Variants in CA12 observed in about 807,000 individuals in gnomAD.
CA12 encodes the protein carbonic anhydrase 12.
A neutral mutation model predicts 46.8 loss-of-function variants in CA12; 36 were observed. The observed-to-expected ratio is 0.77, with a 90% CI of 0.59 to 1.02. CA12 has a LOEUF of 1.02. Ranked by LOEUF, CA12 falls within the 50% of genes least tolerant of loss-of-function variation. The pLI, the probability that CA12 is intolerant of heterozygous loss-of-function variation, is 0.00. For synonymous variants in CA12, 202 were observed against 187.0 expected, an observed-to-expected ratio of 1.08 and a Z score of -0.65; for missense variants, 436 against 451.4, an observed-to-expected ratio of 0.97 and a Z score of 0.31.
rs1248161487 is a variant in CA12 at position 63,381,767 on chromosome 15, C to T, written c.-47G>A. 4.4e-6 allele frequency: 6 copies of T among 1,357,946 alleles called. No homozygotes were observed. The highest frequency in any genetic ancestry group is 2.7e-5 in the Admixed American group (1 of 36,742). The allele number at this position is 1,357,946 out of a possible 1,614,324, so 84.1% of individuals were successfully genotyped here. A position where few individuals can be genotyped will look rare whatever the true frequency, so the allele number is the denominator to read the frequency against. On this transcript the variant is annotated 5_prime_UTR_variant, in exon 1 of 11. Transcript: ENST00000178638. ...GGGCGCGGGCTGTGCCGGGGGCTCC[C>T]GGTGGCCGCTCGCTCTCCAGCTGCA... is the stretch of plus-strand genomic sequence containing the variant.
At position 63,330,137 on chromosome 15, in the gene CA12, G is replaced by A. The variant is rs1360688940; in HGVS notation, c.875-2007C>T. Among the ~76,000 whole-genome samples the A allele has an allele frequency of 6.6e-6, 1 of 152,214 alleles. No homozygotes were observed. Among genetic ancestry groups the A allele is most frequent in the Middle Eastern group, 3.2e-3 (1 of 316 alleles). ...AGTGGCTCCACTGGCCAGACTCCCT[G>A]CCCCAGGCCTCTTCGTGTAACCTGA... On this transcript the variant is annotated intron_variant, in intron 8 of 10. Coordinates refer to ENST00000178638, the MANE Select transcript of CA12 (RefSeq NM_001218.5). The surrounding 1 kb of genome is among the most constrained non-coding windows in gnomAD (Gnocchi z 4.0).
At chr15:63,379,451 G>A (rs939913923) in intron 1 of CA12, among the ~76,000 whole-genome samples, 1 of 152,214 alleles carries the variant, frequency 6.6e-6, no homozygotes, top group Non-Finnish European at 1.5e-5. Context: ...ACTTCTAGCT[G>A]TAAGAACAGA....
Position 63,345,656 on chromosome 15 carries a change from C to T in CA12, c.287-37G>A. On this transcript the variant is annotated intron_variant, in intron 3 of 10. Transcript: ENST00000178638. This position sits in a 1 kb window ranked among gnomAD's most constrained non-coding sequence, Gnocchi z 4.3. ...GGAGGAGCAGCCTTCAGAGCCCCGG[C>T]CAGCTGTGCACTGCCAGAGAGCAGT... is the stretch of plus-strand genomic sequence containing the variant. 3 of 1,599,772 alleles carry T rather than the reference C, an allele frequency of 1.9e-6. No individual in the cohort carries two copies. The highest frequency in any genetic ancestry group is 2.5e-6 in the Non-Finnish European group (3 of 1,176,768).
chr15:63,380,985 G>A (rs2039636928), intron 1 of CA12, among the ~76,000 whole-genome samples: 1 of 151,562 alleles, frequency 6.6e-6, no homozygotes, highest in Non-Finnish European at 1.5e-5. Context: ...TTGGGATTTA[G>A]TGTTCTAATT....
chr15:63,345,372 G>A lies in CA12; in HGVS notation c.429+105C>T. 1 of 1,458,866 alleles carries A rather than the reference G, an allele frequency of 6.9e-7. No individual in the cohort carries two copies. The highest frequency in any genetic ancestry group is 2.4e-5 in the East Asian group (1 of 41,518). 90.4% of individuals were successfully genotyped at this position (1,458,866 alleles called of 1,614,324 possible). A position where few individuals can be genotyped will look rare whatever the true frequency, so the allele number is the denominator to read the frequency against. On this transcript the variant is annotated intron_variant, in intron 4 of 10. Transcript: ENST00000178638. The surrounding 1 kb of genome is among the most constrained non-coding windows in gnomAD (Gnocchi z 4.3). The stretch of plus-strand genomic sequence containing the variant: ...CAGAGGTGGGGCAGAGAGCCTGAAG[G>A]CAGCCTGTCCCATGCTCTGGTGTTA...
intron 2 of CA12, among the ~76,000 whole-genome samples, chr15:63,359,427 A>T (rs947994843): frequency 1.3e-5 from 2 of 151,888 alleles, no homozygotes; most frequent in African/African-American, 4.8e-5. Flanking sequence ...ATCACCTAGA[A>T]TCACCAGTTG....
intron 8 of CA12, among the ~76,000 whole-genome samples, chr15:63,332,335 A>G (rs1206578004): frequency 6.6e-6 from 1 of 152,250 alleles, no homozygotes. Flanking sequence ...TGCTACAAAG[A>G]AATCTGCCAA....
chr15:63,345,572 G>A lies in CA12; in HGVS notation c.334C>T (p.Arg112Cys), dbSNP rs931534148. The change falls in exon 4 of 11, where the codon CGC becomes TGC. Residue 112 changes from arginine to cysteine, a missense_variant. Arg to Cys is a radical substitution (Grantham distance 180). Coordinates refer to ENST00000178638, the MANE Select transcript of CA12 (RefSeq NM_001218.5). This position sits in a 1 kb window ranked among gnomAD's most constrained non-coding sequence, Gnocchi z 4.3. The stretch of plus-strand genomic sequence containing the variant: ...AGGTGCAGCTGCGTGGCACTGTAGC[G>A]AGACTGGAGGCCCTGGATGTGCATG... ...SDMHIQGLQS[R>C]YSATQLHLHW... 4.3e-6 allele frequency: 7 copies of A among 1,613,350 alleles called. No individual in the cohort carries two copies. Among genetic ancestry groups the A allele is most frequent in the South Asian group, 2.2e-5 (2 of 91,070 alleles).
chr15:63,371,545 G>A (rs2039507154), intron 2 of CA12, among the ~76,000 whole-genome samples: 1 of 152,250 alleles, frequency 6.6e-6, no homozygotes, highest in Admixed American at 6.5e-5. Flanking sequence ...GGAGGGGCTG[G>A]CCTCGCGGGT....
chr15:63,339,051 C>G lies in CA12; in HGVS notation c.748-106G>C. 1 of 1,433,742 alleles carries G rather than the reference C, an allele frequency of 7.0e-7. No homozygotes were observed. Among genetic ancestry groups the G allele is most frequent in the Non-Finnish European group, 9.6e-7 (1 of 1,038,750 alleles). The allele number at this position is 1,433,742 out of a possible 1,614,324, so 88.8% of individuals were successfully genotyped here. ...TTGCACCTGGGAGAAGCCTCTGGAA[C>G]CAGCTTCTGTGGGGCCGGGTGGGAG... On this transcript the variant is annotated intron_variant, in intron 7 of 10. Transcript: ENST00000178638. The surrounding 1 kb of genome is among the most constrained non-coding windows in gnomAD (Gnocchi z 4.3).
intron 1 of CA12, among the ~76,000 whole-genome samples, chr15:63,381,287 G>A (rs914511961): frequency 1.3e-5 from 2 of 152,186 alleles, no homozygotes; most frequent in African/African-American, 2.4e-5. Flanking sequence ...CCACAGTCAT[G>A]TCTCTACTTT....
chr15:63,381,061 C>T (rs186501313), intron 1 of CA12, among the ~76,000 whole-genome samples: 8 of 151,384 alleles, frequency 5.3e-5, no homozygotes, highest in African/African-American at 1.5e-4. Flanking sequence ...TGCGCGCGTG[C>T]GTGTGTGTGT....
In CA12 at chr15:63,339,145, C is replaced by T. The variant is rs145725546; in HGVS notation, c.748-200G>A. Reference sequence around the variant, plus strand: ...CAGTGGGTGAGTGGGAGCTGGGCAGCGCTGGGTTTATCTTCCCAGCACCCG... The same window carrying T: ...CAGTGGGTGAGTGGGAGCTGGGCAGTGCTGGGTTTATCTTCCCAGCACCCG... On this transcript the variant is annotated intron_variant, in intron 7 of 10. Coordinates refer to ENST00000178638, the MANE Select transcript of CA12 (RefSeq NM_001218.5). The surrounding 1 kb of genome is among the most constrained non-coding windows in gnomAD (Gnocchi z 4.3). Among the ~76,000 whole-genome samples, 614 of 152,214 alleles carry T rather than the reference C, an allele frequency of 4.0e-3. No individual in the cohort carries two copies. The highest frequency in any genetic ancestry group is 5.9e-3 in the Non-Finnish European group (399 of 68,004).
Position 63,346,563 on chromosome 15 carries a change from T to C in CA12, c.253A>G (p.Lys85Glu), listed in dbSNP as rs2039151191. Residue 85 changes from lysine to glutamate, a missense_variant, in exon 3 of 11, where the codon AAG (lysine) becomes GAG (glutamate). By Grantham distance (56) the Lys-to-Glu change is moderately conservative. Coordinates refer to ENST00000178638, the MANE Select transcript of CA12 (RefSeq NM_001218.5). ...EFQGYNLSAN[K>E]QFLLTNNGHS... ...CCATTGTTGGTCAGGAGAAACTGCT[T>C]GTTGGCAGACAGATTGTAGCCTTGG... The C allele has an allele frequency of 1.9e-6, 3 of 1,614,046 alleles. No individual in the cohort carries two copies. The highest frequency in any genetic ancestry group is 1.3e-5 in the African/African-American group (1 of 74,974).
At position 63,323,400 on chromosome 15, in the gene CA12, A is replaced by G. The variant is rs1367554483; in HGVS notation, c.*2885T>C. 2.0e-5 allele frequency: 3 copies of G among 152,250 alleles called. No individual in the cohort carries two copies. The East Asian group carries it at 5.8e-4, about 29-fold the overall frequency. 9.4% of individuals were successfully genotyped at this position (152,250 alleles called of 1,614,324 possible). Reference sequence around the variant, plus strand: ...TATCAGCTTATTTTCCTTTGGAGCCAGGTTCTAAGAAGTGGATGCGAGTGA... The same window carrying G: ...TATCAGCTTATTTTCCTTTGGAGCCGGGTTCTAAGAAGTGGATGCGAGTGA... On this transcript the variant is annotated 3_prime_UTR_variant, in exon 11 of 11. Coordinates refer to ENST00000178638, the MANE Select transcript of CA12 (RefSeq NM_001218.5). The surrounding 1 kb of genome is among the most constrained non-coding windows in gnomAD (Gnocchi z 5.1).
intron 2 of CA12, among the ~76,000 whole-genome samples, chr15:63,347,643 C>A (rs2039168244): frequency 6.6e-6 from 1 of 152,200 alleles, no homozygotes; most frequent in African/African-American, 2.4e-5. Context: ...GATGAACTTT[C>A]CTACTCCCAC....
intron 2 of CA12, among the ~76,000 whole-genome samples, chr15:63,369,589 G>A (rs1048847633): frequency 1.3e-5 from 2 of 152,240 alleles, no homozygotes; most frequent in African/African-American, 4.8e-5. Context: ...GGGATGGGCT[G>A]AGAATTTGCA....
rs1368726254 is a variant in CA12 at position 63,327,554 on chromosome 15, T to G, written c.908-321A>C. Among the ~76,000 whole-genome samples the G allele has an allele frequency of 1.3e-5, 2 of 151,588 alleles. No individual in the cohort carries two copies. The highest frequency in any genetic ancestry group is 2.4e-5 in the African/African-American group (1 of 41,266). ...AGAGATTCAAAGTCAATCTGTTTGG[T>G]GCAGGGCCCGGGAATCTGCATTTTG... is the stretch of plus-strand genomic sequence containing the variant. On this transcript the variant is annotated intron_variant, in intron 9 of 10. Transcript: ENST00000178638. This position sits in a 1 kb window ranked among gnomAD's most constrained non-coding sequence, Gnocchi z 4.5.
chr15:63,359,480 G>A (rs1287801255), intron 2 of CA12, among the ~76,000 whole-genome samples: 2 of 151,914 alleles, frequency 1.3e-5, no homozygotes. Context: ...CCTCTACTGT[G>A]TATATGTACC....
Sources: gnomAD v4.1 joint callset for allele counts (sites outside exome capture counted in the v4.1 genomes callset) on GRCh38, gnomAD v4.1.1 for gene constraint, Gnocchi (gnomAD v3.1) non-coding constraint, MANE v1.5 for transcripts, NCBI Gene and HGNC (gene_info 2026-07-23, HGNC 2026-07-21) for gene names.